The following GRID2IP variants were observed in gnomAD, a reference collection of about 807,000 sequenced individuals.
GRID2IP encodes Grid2 interacting protein, also known as delphilin.
In GRID2IP, 78 loss-of-function variants were observed where a neutral mutation model predicts 114.3. The observed-to-expected ratio is 0.68, with a 90% CI of 0.57 to 0.82. The LOEUF is 0.82. Among genes scored for constraint, GRID2IP ranks in the 40% least tolerant of loss-of-function variants. The pLI is 0.00. For synonymous variants in GRID2IP, 809 were observed against 724.0 expected (o/e 1.12, Z -1.89); for missense variants, 1,727 against 1,678.5 (o/e 1.03, Z -0.51).
In GRID2IP at chr7:6,501,803, T is replaced by A; in HGVS notation, c.3377A>T (p.Asp1126Val). The change falls in exon 20 of 22, where the codon GAC (aspartate) becomes GTC (valine). Residue 1126 changes from aspartate (D) to valine (V), a missense_variant. Asp to Val is a radical substitution (Grantham distance 152). Coordinates refer to ENST00000457091, the MANE Select transcript of GRID2IP (RefSeq NM_001145118.2). ...TGCCGACATGACCATTGCAAACTTG[T>A]CCTCGCTAGAGGGGGAAATGCTCTG... ...ACQSISPSSE[D>V]KFAMVMSSFL... 1 of 1,551,250 alleles carries A rather than the reference T, an allele frequency of 6.4e-7. No individual in the cohort carries two copies. Among genetic ancestry groups the A allele is most frequent in the South Asian group, 1.2e-5 (1 of 84,058 alleles).
chr7:6,498,173 T>C lies in GRID2IP; in HGVS notation c.3455A>G (p.Glu1152Gly). The C allele has an allele frequency of 6.4e-7, 1 of 1,551,286 alleles. No homozygotes were observed. Among genetic ancestry groups the C allele is most frequent in the Non-Finnish European group, 8.7e-7 (1 of 1,146,892 alleles). Reference protein sequence around the residue: ...ALRALDGLQREAMEELGKALA... With the variant: ...ALRALDGLQRGAMEELGKALA... ...CGCCTTGCCCAGCTCCTCCATGGCC[T>C]CGCGCTGCAGCCCGTCGAGCGCCCG... is the stretch of plus-strand genomic sequence containing the variant. The change falls in exon 21 of 22, where the codon GAG (glutamate) becomes GGG (glycine). Residue 1152 changes from glutamate (E) to glycine (G), a missense_variant. Physicochemically the swap from Glu to Gly is moderately conservative, Grantham distance 98. Transcript: ENST00000457091.
At chr7:6,533,590 C>G (rs932346659) in intron 2 of GRID2IP, among the ~76,000 whole-genome samples, 23 of 151,976 alleles carry the variant, frequency 1.5e-4, no homozygotes, top group African/African-American at 5.6e-4. Context: ...TCTTCAACTC[C>G]TGGCCTTAAG....
intron 2 of GRID2IP, among the ~76,000 whole-genome samples, chr7:6,539,181 T>G (rs1583352821): frequency 6.6e-6 from 1 of 150,762 alleles, no homozygotes; most frequent in Non-Finnish European, 1.5e-5. Flanking sequence ...CAGGCTGGAG[T>G]GCAGTGGCAC....
rs1243490937 is a variant in GRID2IP, at chr7:6,506,439, G to T, written c.2545-532C>A. On this transcript the variant is annotated intron_variant, in intron 13 of 21. Coordinates refer to ENST00000457091, the MANE Select transcript of GRID2IP (RefSeq NM_001145118.2). The surrounding 1 kb of genome is among the most constrained non-coding windows in gnomAD (Gnocchi z 5.2). The stretch of plus-strand genomic sequence containing the variant: ...GTGCGGACGGGGTGGCTGCCAAAGG[G>T]AGAGAACCCAAAGGGAGGGCAGGCA... 6.6e-6 allele frequency among the ~76,000 whole-genome samples: 1 copy of T among 152,216 alleles called. No individual in the cohort carries two copies. Among genetic ancestry groups the T allele is most frequent in the East Asian group, 1.9e-4 (1 of 5,194 alleles).
At chr7:6,527,781 CAG>C (rs1475688487) in intron 2 of GRID2IP, among the ~76,000 whole-genome samples, 1 of 143,094 alleles carries the variant, frequency 7.0e-6, no homozygotes, top group Non-Finnish European at 1.5e-5. Context: ...TTTTTTCAGA[CAG>C]AGTCTTGCTC....
intron 1 of GRID2IP, among the ~76,000 whole-genome samples, chr7:6,550,729 G>T (rs1779960901): frequency 6.6e-6 from 1 of 151,318 alleles, no homozygotes; most frequent in Non-Finnish European, 1.5e-5. Flanking sequence ...CTGGAAGACT[G>T]AGGCAGGAGA....
chr7:6,541,639 CAT>C (rs747161652), intron 1 of GRID2IP, among the ~76,000 whole-genome samples: 2 of 152,074 alleles, frequency 1.3e-5, no homozygotes, highest in Non-Finnish European at 2.9e-5. Context: ...TGCAAATAGA[CAT>C]GGTGGAAACG....
intron 1 of GRID2IP, among the ~76,000 whole-genome samples, chr7:6,547,592 G>A (rs1779906447): frequency 6.6e-6 from 1 of 152,148 alleles, no homozygotes; most frequent in Admixed American, 6.6e-5. Flanking sequence ...TGTTATAGCA[G>A]CAGAGCCTGT....
chr7:6,512,625 C>G lies in GRID2IP; in HGVS notation c.1424-1586G>C, dbSNP rs909639433. ...TCCCAGGTTCAAGCAATTCTCCTGC[C>G]TCAGCCTCCCGAGTAGTTGGAATTA... is the stretch of plus-strand genomic sequence containing the variant. On this transcript the variant is annotated intron_variant, in intron 8 of 21. Coordinates refer to ENST00000457091, the MANE Select transcript of GRID2IP (RefSeq NM_001145118.2). 5.9e-5 allele frequency among the ~76,000 whole-genome samples: 9 copies of G among 152,010 alleles called. No individual in the cohort carries two copies. The East Asian group carries it at 1.7e-3, about 29-fold the overall frequency.
intron 11 of GRID2IP, among the ~76,000 whole-genome samples, chr7:6,510,065 A>G (rs549789740): frequency 6.6e-6 from 1 of 152,180 alleles, no homozygotes; most frequent in South Asian, 2.1e-4. Context: ...CCTGGGCTCC[A>G]TTGATCCTCC....
At chr7:6,549,091 G>A (rs1239488528) in intron 1 of GRID2IP, among the ~76,000 whole-genome samples, 1 of 152,166 alleles carries the variant, frequency 6.6e-6, no homozygotes, top group Non-Finnish European at 1.5e-5. Context: ...GGCATGGGAG[G>A]TTGCTGTACT....
At chr7:6,525,640 A>G (rs541873666) in intron 4 of GRID2IP, among the ~76,000 whole-genome samples, 100 of 152,280 alleles carry the variant, frequency 6.6e-4, no homozygotes, top group African/African-American at 2.0e-3. Flanking sequence ...TCTCATTAAA[A>G]TAAAATAAAA....
At chr7:6,540,687 ATT>A in intron 1 of GRID2IP, among the ~76,000 whole-genome samples, 1 of 92,278 alleles carries the variant, frequency 1.1e-5, no homozygotes. Flanking sequence ...CACCTGGCTA[ATT>A]TTTTTTTTTT....
chr7:6,523,729 G>T lies in GRID2IP; in HGVS notation c.920-1772C>A, dbSNP rs1385975067. ...GACTACAGGCATGTGCCTCACTATT[G>T]CTCAGACTGGTCTCAAACTCCTGGG... On this transcript the variant is annotated intron_variant, in intron 4 of 21. Coordinates refer to ENST00000457091, the MANE Select transcript of GRID2IP (RefSeq NM_001145118.2). This position sits in a 1 kb window ranked among gnomAD's most constrained non-coding sequence, Gnocchi z 4.5. Among the ~76,000 whole-genome samples, 1 of 151,962 alleles carries T rather than the reference G, an allele frequency of 6.6e-6. No homozygotes were observed. Among genetic ancestry groups the T allele is most frequent in the Non-Finnish European group, 1.5e-5 (1 of 67,968 alleles).
intron 8 of GRID2IP, among the ~76,000 whole-genome samples, chr7:6,513,888 C>T (rs953171732): frequency 4.7e-5 from 6 of 128,442 alleles, no homozygotes; most frequent in Non-Finnish European, 4.7e-5. Flanking sequence ...GTTGAGGCTG[C>T]GGTGAGCCAT....
chr7:6,503,715 G>GGCGGGGCCGGA (rs770445260), intron 15 of GRID2IP, 28 bp from the exon 16 acceptor site: 17 of 1,440,684 alleles, frequency 1.2e-5, no homozygotes, highest in Middle Eastern at 2.5e-4. Flanking sequence ...CGGTGAGCTG[G>GGCGGGGCCGGA]GCGGGGCCGG....
At chr7:6,542,340 C>T (rs1031660440) in intron 1 of GRID2IP, among the ~76,000 whole-genome samples, 4 of 148,402 alleles carry the variant, frequency 2.7e-5, no homozygotes, top group Non-Finnish European at 6.0e-5. Flanking sequence ...AAAAGAAAAT[C>T]CCAAAGTAGG....
chr7:6,534,549 G>A lies in GRID2IP; in HGVS notation c.584+5169C>T, dbSNP rs1036323713. The stretch of plus-strand genomic sequence containing the variant: ...CCATCTCACCCTTTACAGCAGCAGC[G>A]CTGTCCAAGGGAACGTTCTGTGACG... On this transcript the variant is annotated intron_variant, in intron 2 of 21. Transcript: ENST00000457091. This position sits in a 1 kb window ranked among gnomAD's most constrained non-coding sequence, Gnocchi z 4.5. 2.0e-5 allele frequency among the ~76,000 whole-genome samples: 3 copies of A among 152,146 alleles called. No individual in the cohort carries two copies. The highest frequency in any genetic ancestry group is 7.2e-5 in the African/African-American group (3 of 41,428).
In GRID2IP at chr7:6,523,703, G is replaced by C. The variant is rs1014635713; in HGVS notation, c.920-1746C>G. Among the ~76,000 whole-genome samples, 1 of 152,110 alleles carries C rather than the reference G, an allele frequency of 6.6e-6. No homozygotes were observed. The highest frequency in any genetic ancestry group is 6.6e-5 in the Admixed American group (1 of 15,258). On this transcript the variant is annotated intron_variant, in intron 4 of 21. Coordinates refer to ENST00000457091, the MANE Select transcript of GRID2IP (RefSeq NM_001145118.2). The surrounding 1 kb of genome is among the most constrained non-coding windows in gnomAD (Gnocchi z 4.5). The stretch of plus-strand genomic sequence containing the variant: ...CCCACCCCAGCCTCCAGAGTAGCTG[G>C]GACTACAGGCATGTGCCTCACTATT...
Sources: gnomAD v4.1 joint callset for allele counts (sites outside exome capture counted in the v4.1 genomes callset) on GRCh38, gnomAD v4.1.1 for gene constraint, Gnocchi (gnomAD v3.1) non-coding constraint, MANE v1.5 for transcripts, NCBI Gene and HGNC (gene_info 2026-07-23, HGNC 2026-07-21) for gene names.